The following FAM107B variants were observed in gnomAD, a reference collection of about 807,000 sequenced individuals.
The protein encoded by FAM107B is family with sequence similarity 107 member B.
A neutral mutation model predicts 31.5 loss-of-function variants in FAM107B; 21 were observed. That is an observed-to-expected ratio of 0.67 (90% CI 0.47 to 0.96). The LOEUF (loss-of-function observed/expected upper bound fraction) is 0.96, where lower values mean the gene tolerates loss of function less well. Among genes scored for constraint, FAM107B ranks in the 40% least tolerant of loss-of-function variants. The pLI, the probability that FAM107B is intolerant of heterozygous loss-of-function variation, is 0.00. For synonymous variants in FAM107B, 157 were observed against 141.5 expected (o/e 1.11, Z -0.78); for missense variants, 452 against 377.1 (o/e 1.20, Z -1.64).
rs558940939 is a variant in FAM107B at position 14,734,488 on chromosome 10, G to GTGTTTTTGTTTTTTTTT, written c.411+39764_411+39765insAAAAAAAAACAAAAACA. Among the ~76,000 whole-genome samples, 126 of 138,512 alleles carry GTGTTTTTGTTTTTTTTT rather than the reference G, an allele frequency of 9.1e-4. 7 individuals carry two copies. The South Asian group carries it at 0.012, about 13-fold the overall frequency. The allele number at this position is 138,512 out of a possible 152,430, so 90.9% of individuals were successfully genotyped here. A position where few individuals can be genotyped will look rare whatever the true frequency, so the allele number is the denominator to read the frequency against. On this transcript the variant is annotated intron_variant, in intron 1 of 4. Transcript: ENST00000181796. ...AAACATAATGAAATCTTTTTGTGAG[G>GTGTTTTTGTTTTTTTTT]TTTTTTTTTTTTTTTTAGCTCATCA...
At chr10:14,647,082 C>T (rs1023018092) in intron 2 of FAM107B, among the ~76,000 whole-genome samples, 5 of 152,284 alleles carry the variant, frequency 3.3e-5, no homozygotes, top group Admixed American at 6.5e-5. Flanking sequence ...GTGTGAGCCA[C>T]TGTGCCCGGC....
At chr10:14,720,317 G>C (rs1005400308) in intron 1 of FAM107B, among the ~76,000 whole-genome samples, 1 of 152,022 alleles carries the variant, frequency 6.6e-6, no homozygotes, top group African/African-American at 2.4e-5. Flanking sequence ...GCAGTGGCAC[G>C]ATCTTGGCTC....
At chr10:14,678,686 C>T (rs144289763) in intron 1 of FAM107B, among the ~76,000 whole-genome samples, 402 of 152,156 alleles carry the variant, frequency 2.6e-3, no homozygotes, top group African/African-American at 9.0e-3. Context: ...GGAACATGCA[C>T]GATAAATAGG....
At chr10:14,668,635 G>A (rs776550799) in intron 1 of FAM107B, among the ~76,000 whole-genome samples, 6 of 152,210 alleles carry the variant, frequency 3.9e-5, no homozygotes, top group Non-Finnish European at 7.3e-5. Context: ...AATTTTGCCT[G>A]CAAGATGACT....
At chr10:14,577,350 T>C (rs1014158646) in intron 2 of FAM107B, among the ~76,000 whole-genome samples, 2 of 152,250 alleles carry the variant, frequency 1.3e-5, no homozygotes, top group Non-Finnish European at 2.9e-5. Context: ...CATGTTCTAA[T>C]AACGTATTCT....
intron 2 of FAM107B, among the ~76,000 whole-genome samples, chr10:14,657,598 T>C (rs1588687878): frequency 6.6e-6 from 1 of 152,220 alleles, no homozygotes; most frequent in South Asian, 2.1e-4. Flanking sequence ...ATCTAGAACC[T>C]AGATGGAAAA....
At chr10:14,764,669 A>G (rs1588765479) in intron 1 of FAM107B, among the ~76,000 whole-genome samples, 2 of 152,242 alleles carry the variant, frequency 1.3e-5, no homozygotes, top group African/African-American at 2.4e-5. Context: ...CAGGTTAACC[A>G]TGTCTGTGGC....
chr10:14,704,271 G>GTGTGTGTT (rs1210121453), intron 1 of FAM107B, among the ~76,000 whole-genome samples: 1 of 148,058 alleles, frequency 6.8e-6, no homozygotes, highest in Non-Finnish European at 1.5e-5. Flanking sequence ...AAATTGCTCT[G>GTGTGTGTT]TGTGTGTGTG....
At chr10:14,638,283 GT>G (rs34784437) in intron 2 of FAM107B, among the ~76,000 whole-genome samples, 5,858 of 146,144 alleles carry the variant, frequency 0.04, 172 homozygotes, top group East Asian at 0.13. Context: ...GCCTGCTAAG[GT>G]TTTTTTTTTT....
Position 14,521,074 on chromosome 10 carries a change from C to A in FAM107B, c.*116G>T, listed in dbSNP as rs1588451278. On this transcript the variant is annotated 3_prime_UTR_variant, in exon 5 of 5. Transcript: ENST00000181796. ...AGGAAAATCAAACCAAATCCTACTGCAAGTCAAAATTCTCTGCTGGCTGAA... is the reference window on the plus strand; with the variant it reads ...AGGAAAATCAAACCAAATCCTACTGAAAGTCAAAATTCTCTGCTGGCTGAA... The A allele has an allele frequency of 3.7e-6, 3 of 814,850 alleles. No homozygotes were observed. Among genetic ancestry groups the A allele is most frequent in the East Asian group, 5.2e-5 (2 of 38,742 alleles). The allele number at this position is 814,850 out of a possible 1,614,324, so 50.5% of individuals were successfully genotyped here. A position where few individuals can be genotyped will look rare whatever the true frequency, so the allele number is the denominator to read the frequency against.
intron 2 of FAM107B, among the ~76,000 whole-genome samples, chr10:14,653,397 C>T (rs1486656852): frequency 1.3e-5 from 2 of 152,198 alleles, no homozygotes; most frequent in African/African-American, 4.8e-5. Context: ...CGGGCAAATG[C>T]TCTCAAAGGC....
intron 2 of FAM107B, among the ~76,000 whole-genome samples, chr10:14,665,760 G>T (rs1182694364): frequency 6.6e-6 from 1 of 152,080 alleles, no homozygotes; most frequent in Non-Finnish European, 1.5e-5. Flanking sequence ...CAACCCCAAG[G>T]GGCCTTGTTT....
At position 14,629,466 on chromosome 10, in the gene FAM107B, TATTTA is replaced by T. The variant is rs1341213950; in HGVS notation, c.469+38163_469+38167del. On this transcript the variant is annotated intron_variant, in intron 2 of 4. Transcript: ENST00000181796. ...ATATATTATATATATATTATATATATATTTAATATATATATAACATATATAATATA... is the reference window on the plus strand; with the variant it reads ...ATATATTATATATATATTATATATATATATATATATAACATATATAATATA... Among the ~76,000 whole-genome samples, 91 of 89,654 alleles carry T rather than the reference TATTTA, an allele frequency of 1.0e-3. 1 individual carries two copies. The highest frequency in any genetic ancestry group is 2.8e-3 in the African/African-American group (55 of 19,798). 58.8% of individuals were successfully genotyped at this position (89,654 alleles called of 152,430 possible). A position where few individuals can be genotyped will look rare whatever the true frequency, so the allele number is the denominator to read the frequency against.
chr10:14,659,839 C>A lies in FAM107B; in HGVS notation c.469+7795G>T, dbSNP rs189551067. On this transcript the variant is annotated intron_variant, in intron 2 of 4. Coordinates refer to ENST00000181796, the MANE Select transcript of FAM107B (RefSeq NM_031453.4). ...CCCGCAGAGGGGCTGGCCTTATGTG[C>A]GCAGCAACAAGGAACTGCTCAGTGG... is the stretch of plus-strand genomic sequence containing the variant. Among the ~76,000 whole-genome samples, 6 of 152,330 alleles carry A rather than the reference C, an allele frequency of 3.9e-5. No individual in the cohort carries two copies. The South Asian group carries it at 6.2e-4, about 16-fold the overall frequency.
intron 2 of FAM107B, among the ~76,000 whole-genome samples, chr10:14,624,518 C>T (rs1853102992): frequency 1.3e-5 from 2 of 152,038 alleles, no homozygotes; most frequent in Admixed American, 6.5e-5. Flanking sequence ...CGCCTGTAAT[C>T]CTAGCTACTC....
intron 1 of FAM107B, among the ~76,000 whole-genome samples, chr10:14,749,549 T>G (rs1832788035): frequency 6.6e-6 from 1 of 152,204 alleles, no homozygotes; most frequent in Non-Finnish European, 1.5e-5. Context: ...CCTTTCTCCC[T>G]GGTCAAATGA....
At chr10:14,613,033 G>A (rs1852762917) in intron 2 of FAM107B, among the ~76,000 whole-genome samples, 3 of 152,054 alleles carry the variant, frequency 2.0e-5, no homozygotes, top group South Asian at 2.1e-4. Context: ...GTGCAGCGGC[G>A]CAATCTCAGC....
chr10:14,629,406 T>TATAACATATA (rs1853273908), intron 2 of FAM107B, among the ~76,000 whole-genome samples: 1 of 3,870 alleles, frequency 2.6e-4, no homozygotes, highest in Admixed American at 6.8e-3. Flanking sequence ...ATATTATATA[T>TATAACATATA]TTAATATATA....
Position 14,576,877 on chromosome 10 carries a change from G to A in FAM107B, c.470-46362C>T, listed in dbSNP as rs142134130. Among the ~76,000 whole-genome samples, 151 of 152,298 alleles carry A rather than the reference G, an allele frequency of 9.9e-4. 1 individual carries two copies. Among genetic ancestry groups the A allele is most frequent in the African/African-American group, 3.4e-3 (143 of 41,560 alleles). ...CCCTGAATAGAGAAGGGGTATTTTA[G>A]ATTAAATCTTCCCAGAGTATTTGGG... On this transcript the variant is annotated intron_variant, in intron 2 of 4. Coordinates refer to ENST00000181796, the MANE Select transcript of FAM107B (RefSeq NM_031453.4).
Sources: gnomAD v4.1 joint callset for allele counts (sites outside exome capture counted in the v4.1 genomes callset) on GRCh38, gnomAD v4.1.1 for gene constraint, MANE v1.5 for transcripts, NCBI Gene and HGNC (gene_info 2026-07-23, HGNC 2026-07-21) for gene names.